ZNF248: variants seen among roughly 807,000 people sequenced by gnomAD.
The protein encoded by ZNF248 is zinc finger protein 248, also known as KRAB protein domain.
In ZNF248, 20 loss-of-function variants were observed where a neutral mutation model predicts 44.3. That is an observed-to-expected ratio of 0.45 (90% CI 0.32 to 0.66). The LOEUF (loss-of-function observed/expected upper bound fraction) is 0.66, where lower values mean the gene tolerates loss of function less well. Among genes scored for constraint, ZNF248 ranks in the 30% least tolerant of loss-of-function variants. The probability of loss-of-function intolerance (pLI) is 0.04; values close to 1 mark genes in which losing one functional copy is unlikely to be tolerated. For missense variants in ZNF248, 654 were observed against 677.0 expected (o/e 0.97, Z 0.38); for synonymous variants, 224 against 229.0 (o/e 0.98, Z 0.20).
chr10:37,760,540 T>A, the ZNF248 span, among the ~76,000 whole-genome samples: 2 of 152,180 alleles, frequency 1.3e-5, no homozygotes, highest in Admixed American at 1.3e-4. Context: ...CTATTCTTTA[T>A]TAAAAGTATT....
chr10:37,814,468 T>C (rs2052097591), intron 6 of ZNF248, among the ~76,000 whole-genome samples: 1 of 152,230 alleles, frequency 6.6e-6, no homozygotes, highest in Non-Finnish European at 1.5e-5. Context: ...TGCATTTACC[T>C]TTATCAGATA....
chr10:37,771,410 G>A, the ZNF248 span, among the ~76,000 whole-genome samples: 5 of 152,024 alleles, frequency 3.3e-5, no homozygotes, highest in Admixed American at 6.5e-5. Context: ...AAGAAAATGT[G>A]GCACATATAC....
chr10:37,829,787 C>T lies in ZNF248; in HGVS notation c.*1828G>A. On this transcript the variant is annotated 3_prime_UTR_variant, in exon 6 of 6. Transcript: ENST00000395867. ...CATGACAATGTTGTATCAAGGAGAT[C>T]TTTCCCAGAAGTACTACACAATACT... The T allele has an allele frequency of 1.0e-6, 1 of 985,394 alleles. No individual in the cohort carries two copies. The allele number at this position is 985,394 out of a possible 1,614,324, so 61.0% of individuals were successfully genotyped here.
intron 3 of ZNF248, among the ~76,000 whole-genome samples, chr10:37,845,124 C>T (rs931380932): frequency 6.6e-5 from 10 of 151,682 alleles, no homozygotes; most frequent in African/African-American, 1.7e-4. Flanking sequence ...CTGGCTCAAG[C>T]GATCCTTCCA....
At chr10:37,856,652 C>T in intron 1 of ZNF248, 120 bp from the exon 2 acceptor site, 1 of 1,032,646 alleles carries the variant, frequency 9.7e-7, no homozygotes. Context: ...AAACTGAGGC[C>T]ATATTGTTTA....
At chr10:37,793,972 T>C (rs2048850418) in intron 6 of ZNF248, among the ~76,000 whole-genome samples, 1 of 152,182 alleles carries the variant, frequency 6.6e-6, no homozygotes, top group Admixed American at 6.5e-5. Flanking sequence ...CAACTGTCCA[T>C]AAGGTTTAAA....
intron 6 of ZNF248, among the ~76,000 whole-genome samples, chr10:37,793,164 T>C (rs1424228872): frequency 6.6e-6 from 1 of 151,814 alleles, no homozygotes; most frequent in Non-Finnish European, 1.5e-5. Flanking sequence ...AAACCCCATC[T>C]CTACTAAAAA....
At chr10:37,808,208 A>C (rs7083215) in intron 6 of ZNF248, among the ~76,000 whole-genome samples, 1,700 of 152,084 alleles carry the variant, frequency 0.011, 37 homozygotes, top group African/African-American at 0.038. Flanking sequence ...AACAGAAAAA[A>C]ATCCTGCTTG....
intron 6 of ZNF248, among the ~76,000 whole-genome samples, chr10:37,816,363 C>T (rs2052466100): frequency 6.6e-6 from 1 of 152,190 alleles, no homozygotes; most frequent in Non-Finnish European, 1.5e-5. Context: ...GTCCTTAATG[C>T]CTATCCTGGC....
At chr10:37,828,493 A>G (rs930237968), downstream of ZNF248, among the ~76,000 whole-genome samples, 1 of 152,194 alleles carries the variant, frequency 6.6e-6, no homozygotes, top group African/African-American at 2.4e-5. Context: ...ACCTCCCAAT[A>G]AAAATATTCT....
rs145755705 is a variant in ZNF248, at chr10:37,830,753, C to G, written c.*862G>C. ...CACTGAATGTGGAGCTGGGAAGAGA[C>G]AGATGTGCAGTGCACACTATTATAC... On this transcript the variant is annotated 3_prime_UTR_variant, in exon 6 of 6. Coordinates refer to ENST00000395867, the MANE Select transcript of ZNF248 (RefSeq NM_021045.3). 2.3e-3 allele frequency: 597 copies of G among 261,378 alleles called. 5 individuals are homozygous for G. The highest frequency in any genetic ancestry group is 0.013 in the African/African-American group (565 of 43,538). 16.2% of individuals were successfully genotyped at this position (261,378 alleles called of 1,614,324 possible). A position where few individuals can be genotyped will look rare whatever the true frequency, so the allele number is the denominator to read the frequency against.
intron 6 of ZNF248, among the ~76,000 whole-genome samples, chr10:37,809,095 T>G (rs1241241499): frequency 1.3e-5 from 2 of 152,178 alleles, no homozygotes; most frequent in Non-Finnish European, 2.9e-5. Context: ...ATTTCTGATT[T>G]TAGTAGTTTG....
intron 6 of ZNF248, among the ~76,000 whole-genome samples, chr10:37,822,804 C>A (rs926826624): frequency 6.6e-6 from 1 of 152,042 alleles, no homozygotes; most frequent in African/African-American, 2.4e-5. Flanking sequence ...AGAAAATTTA[C>A]AAATTTGTGT....
At chr10:37,771,917 T>C (rs2046257249), downstream of ZNF248, among the ~76,000 whole-genome samples, 1 of 152,166 alleles carries the variant, frequency 6.6e-6, no homozygotes. Flanking sequence ...TGTAATTGTG[T>C]AGGGCCTCCT....
chr10:37,855,308 T>C (rs1320894473), intron 3 of ZNF248, among the ~76,000 whole-genome samples: 2 of 152,196 alleles, frequency 1.3e-5, no homozygotes, highest in Non-Finnish European at 2.9e-5. Flanking sequence ...TCACCCTACC[T>C]GGAGAAACTG....
upstream of ZNF248, chr10:37,858,076 G>A (rs558806042): frequency 5.9e-5 from 9 of 152,408 alleles, no homozygotes; most frequent in African/African-American, 1.9e-4. Context: ...GGAAGGACTC[G>A]CCTGGAGCGG....
chr10:37,772,701 T>C (rs1464358066), downstream of ZNF248, among the ~76,000 whole-genome samples: 2 of 152,204 alleles, frequency 1.3e-5, no homozygotes, highest in African/African-American at 4.8e-5. Context: ...GAGAATCCCT[T>C]TAGTCACGTA....
chr10:37,849,592 C>G, intron 3 of ZNF248, among the ~76,000 whole-genome samples: 1 of 151,752 alleles, frequency 6.6e-6, no homozygotes, highest in East Asian at 1.9e-4. Flanking sequence ...GAGGCTGAGG[C>G]AGGAGAATGG....
chr10:37,828,497 A>G (rs1031037714), downstream of ZNF248, among the ~76,000 whole-genome samples: 1 of 152,210 alleles, frequency 6.6e-6, no homozygotes, highest in Admixed American at 6.5e-5. Context: ...CCCAATAAAA[A>G]TATTCTAGGA....
Sources: allele counts gnomAD v4.1 joint callset (sites outside exome capture counted in the v4.1 genomes callset), GRCh38; gene constraint gnomAD v4.1.1; transcripts MANE v1.5; gene names NCBI Gene and HGNC (gene_info 2026-07-23, HGNC 2026-07-21).